RRM2B: variants seen among roughly 807,000 people sequenced by gnomAD.
RRM2B encodes the protein ribonucleotide reductase regulatory TP53 inducible subunit M2B.
In RRM2B, 20 loss-of-function variants were observed where a neutral mutation model predicts 45.9. The ratio of observed to expected loss-of-function variants is 0.44; its 90% CI spans 0.31 to 0.63. The LOEUF is 0.63. Ranked by LOEUF, RRM2B falls within the 30% of genes least tolerant of loss-of-function variation. RRM2B has a pLI of 0.09. For synonymous variants in RRM2B, 124 were observed against 132.3 expected, an observed-to-expected ratio of 0.94 and a Z score of 0.43; for missense variants, 320 against 414.7, an observed-to-expected ratio of 0.77 and a Z score of 1.98.
At chr8:102,220,695 C>T (rs1048322790) in intron 5 of RRM2B, among the ~76,000 whole-genome samples, 3 of 152,168 alleles carry the variant, frequency 2.0e-5, no homozygotes, top group East Asian at 1.9e-4. Flanking sequence ...CTCAGCCTCA[C>T]AAGTAGCTGG....
At chr8:102,238,080 C>G (rs1811153356) in intron 1 of RRM2B, among the ~76,000 whole-genome samples, 1 of 152,168 alleles carries the variant, frequency 6.6e-6, no homozygotes, top group African/African-American at 2.4e-5. Flanking sequence ...CCATACAATC[C>G]TACAGTCTAA....
At chr8:102,218,548 T>A (rs1194310543) in intron 6 of RRM2B, among the ~76,000 whole-genome samples, 1 of 151,694 alleles carries the variant, frequency 6.6e-6, no homozygotes, top group Non-Finnish European at 1.5e-5. Context: ...TGAAGCCCTG[T>A]CTCTAAAAAA....
intron 1 of RRM2B, chr8:102,238,550 A>C (rs766455570): frequency 6.7e-7 from 1 of 1,502,772 alleles, no homozygotes; most frequent in Admixed American, 2.0e-5. Flanking sequence ...ACGCAGGGGT[A>C]AGTCTCACCC....
chr8:102,238,096 T>C (rs1811153619), intron 1 of RRM2B, among the ~76,000 whole-genome samples: 1 of 152,238 alleles, frequency 6.6e-6, no homozygotes, highest in Non-Finnish European at 1.5e-5. Flanking sequence ...TCTAACAAAT[T>C]CTGGTTTATT....
intron 1 of RRM2B, among the ~76,000 whole-genome samples, chr8:102,236,555 T>C (rs1196789987): frequency 6.6e-6 from 1 of 152,122 alleles, no homozygotes; most frequent in African/African-American, 2.4e-5. Flanking sequence ...GCCAGGCTTT[T>C]TGGTAGGAAT....
Position 102,207,494 on chromosome 8 carries a change from G to A in RRM2B, c.*639C>T, listed in dbSNP as rs767159222. The A allele has an allele frequency of 6.6e-6, 1 of 152,104 alleles. No individual in the cohort carries two copies. Among genetic ancestry groups the A allele is most frequent in the South Asian group, 2.1e-4 (1 of 4,830 alleles). 9.4% of individuals were successfully genotyped at this position (152,104 alleles called of 1,614,324 possible). On this transcript the variant is annotated 3_prime_UTR_variant, in exon 9 of 9. Transcript: ENST00000251810. Reference sequence around the variant, plus strand: ...CTAAATTTTCTTCACTACATACTAAGGAATTCAAAGAACTTATTCTTGCGT... The same window carrying A: ...CTAAATTTTCTTCACTACATACTAAAGAATTCAAAGAACTTATTCTTGCGT...
At chr8:102,228,931 T>C (rs1587183174) in intron 2 of RRM2B, among the ~76,000 whole-genome samples, 1 of 152,362 alleles carries the variant, frequency 6.6e-6, no homozygotes, top group East Asian at 1.9e-4. Flanking sequence ...TATGTAATTG[T>C]CTTTGTCTTT....
chr8:102,212,873 G>A lies in RRM2B; in HGVS notation c.806C>T (p.Ala269Val). 2 of 1,600,212 alleles carry A rather than the reference G, an allele frequency of 1.2e-6. No homozygotes were observed. Among genetic ancestry groups the A allele is most frequent in the East Asian group, 2.2e-5 (1 of 44,712 alleles). The change falls in exon 8 of 9, where the codon GCC becomes GTC. Residue 269 changes from alanine to valine, a missense_variant. This residue lies in a region of RRM2B where 225 missense variants were observed against 289.4 expected (regional missense o/e 0.78). Coordinates refer to ENST00000251810, the MANE Select transcript of RRM2B (RefSeq NM_015713.5). ...VKIEQEFLTE[A>V]LPVGLIGMNC... Reference sequence around the variant, plus strand: ...CATTCCAATGAGGCCAACTGGCAAGGCTTCTGTTAAAAACTCCTGGGATGA... The same window carrying A: ...CATTCCAATGAGGCCAACTGGCAAGACTTCTGTTAAAAACTCCTGGGATGA...
intron 1 of RRM2B, among the ~76,000 whole-genome samples, chr8:102,233,303 T>G (rs773053785): frequency 6.6e-6 from 1 of 152,224 alleles, no homozygotes; most frequent in Admixed American, 6.5e-5. Context: ...CATACGGCTA[T>G]GCAAATACAG....
In RRM2B at chr8:102,207,183, G is replaced by T. The variant is rs576696747; in HGVS notation, c.*950C>A. 8.5e-5 allele frequency: 13 copies of T among 152,240 alleles called. No homozygotes were observed. Among genetic ancestry groups the T allele is most frequent in the African/African-American group, 3.1e-4 (13 of 41,506 alleles). The allele number at this position is 152,240 out of a possible 1,614,324, so 9.4% of individuals were successfully genotyped here. On this transcript the variant is annotated 3_prime_UTR_variant, in exon 9 of 9. Transcript: ENST00000251810. ...ACCACTGAACTGCTCAGTCTTTGAT[G>T]TACTGACTGTACTTGCTAAAGAAGA...
rs113455592 is a variant in RRM2B, at chr8:102,219,962, G to A, written c.551-1015C>T. Among the ~76,000 whole-genome samples, 26 of 152,354 alleles carry A rather than the reference G, an allele frequency of 1.7e-4. 1 individual carries two copies. Among genetic ancestry groups the A allele is most frequent in the African/African-American group, 6.3e-4 (26 of 41,592 alleles). On this transcript the variant is annotated intron_variant, in intron 5 of 8. Coordinates refer to ENST00000251810, the MANE Select transcript of RRM2B (RefSeq NM_015713.5). ...CATTAAAATCCATTCTAGGCCAAGT[G>A]CTGCAGTGGCTCACATCTGTAATAC...
At chr8:102,238,640 C>A (rs1316967913) in intron 1 of RRM2B, 187 bp downstream of exon 1, 30 of 1,534,104 alleles carry the variant, frequency 2.0e-5, no homozygotes, top group Non-Finnish European at 2.5e-5. Context: ...AAGTCAGCTC[C>A]TTCCTCCGCC....
chr8:102,212,676 T>C (rs1361964041), intron 8 of RRM2B, 100 bp downstream of exon 8: 9 of 692,676 alleles, frequency 1.3e-5, no homozygotes, highest in African/African-American at 5.4e-5. Context: ...ATTTAAAAAA[T>C]AGAATAGTAT....
At chr8:102,224,567 T>C (rs764153280) in intron 4 of RRM2B, among the ~76,000 whole-genome samples, 1 of 152,236 alleles carries the variant, frequency 6.6e-6, no homozygotes, top group Non-Finnish European at 1.5e-5. Flanking sequence ...TATACATTTT[T>C]ACATGTCCAT....
chr8:102,226,040 A>G lies in RRM2B; in HGVS notation c.205-6T>C, dbSNP rs1292563378. 1 of 1,569,656 alleles carries G rather than the reference A, an allele frequency of 6.4e-7. No individual in the cohort carries two copies. Among genetic ancestry groups the G allele is most frequent in the Non-Finnish European group, 8.8e-7 (1 of 1,139,790 alleles). On this transcript the variant is annotated splice_region_variant and splice_polypyrimidine_tract_variant and intron_variant, in intron 2 of 8. Transcript: ENST00000251810. ...AGATCCTTTGATAAGTCGACCTGGA[A>G]TAAAAAGATTTTCAAAAATTTTAAT... is the stretch of plus-strand genomic sequence containing the variant.
At chr8:102,229,698 C>A (rs957675260) in intron 2 of RRM2B, among the ~76,000 whole-genome samples, 11 of 152,108 alleles carry the variant, frequency 7.2e-5, no homozygotes, top group South Asian at 2.1e-4. Context: ...GATTCTCCTG[C>A]CTCAACCTCC....
Position 102,232,270 on chromosome 8 carries a change from T to A in RRM2B, c.83A>T (p.Lys28Met), listed in dbSNP as rs757513519. ...TCTTAGGAGTGGCTCTTCATTTGAC[T>A]TTATTTCACTTTCGTTGGTGTCTGA... ...SSSDTNESEI[K>M]SNEEPLLRKS... The change falls in exon 2 of 9, where the codon AAG becomes ATG. Residue 28 changes from lysine to methionine, a missense_variant. Physicochemically the swap from Lys to Met is moderately conservative, Grantham distance 95. Around this residue, in one of 3 missense-constraint regions of RRM2B, gnomAD observed 48 missense variants for 35.3 expected, o/e 1.36. Coordinates refer to ENST00000251810, the MANE Select transcript of RRM2B (RefSeq NM_015713.5). 1.9e-6 allele frequency: 3 copies of A among 1,614,176 alleles called. No homozygotes were observed. In the South Asian group the frequency reaches 3.3e-5, roughly 18 times the overall value.
chr8:102,230,505 G>A (rs1563666887), intron 2 of RRM2B, among the ~76,000 whole-genome samples: 1 of 152,264 alleles, frequency 6.6e-6, no homozygotes, highest in East Asian at 1.9e-4. Context: ...TCTCTGAACC[G>A]TATCTAACAA....
In RRM2B at chr8:102,238,955, G is replaced by T; in HGVS notation, c.-81C>A. The T allele has an allele frequency of 1.4e-6, 2 of 1,419,210 alleles. No individual in the cohort carries two copies. The highest frequency in any genetic ancestry group is 2.0e-6 in the Non-Finnish European group (2 of 1,024,830). 87.9% of individuals were successfully genotyped at this position (1,419,210 alleles called of 1,614,324 possible). A position where few individuals can be genotyped will look rare whatever the true frequency, so the allele number is the denominator to read the frequency against. The stretch of plus-strand genomic sequence containing the variant: ...CTCCAACTACGACAGCACCCAGGTG[G>T]TCCGCTGGTCCGCTGGGTCCGCCCC... On this transcript the variant is annotated 5_prime_UTR_variant, in exon 1 of 9. Transcript: ENST00000251810.
Sources: gnomAD v4.1 joint callset for allele counts (sites outside exome capture counted in the v4.1 genomes callset) on GRCh38, gnomAD v4.1.1 for gene constraint, gnomAD v4.1.1 regional missense constraint, MANE v1.5 for transcripts, NCBI Gene and HGNC (gene_info 2026-07-23, HGNC 2026-07-21) for gene names.